XPO7: variants seen among roughly 807,000 people sequenced by gnomAD.
XPO7 encodes exportin-7.
Under a neutral mutation model 144.3 loss-of-function variants are expected in XPO7, and 21 were observed. That is an observed-to-expected ratio of 0.15 (90% CI 0.10 to 0.21). The LOEUF (loss-of-function observed/expected upper bound fraction) is 0.21, where lower values mean the gene tolerates loss of function less well. Among genes scored for constraint, XPO7 ranks in the 10% least tolerant of loss-of-function variants. The pLI is 1.00. For missense variants in XPO7, 808 were observed against 1,325.8 expected (o/e 0.61, Z 6.06); for synonymous variants, 580 against 499.6 (o/e 1.16, Z -2.15).
chr8:21,977,698 T>C (rs905587012), intron 7 of XPO7, 72 bp from the exon 8 acceptor site: 4 of 1,394,160 alleles, frequency 2.9e-6, no homozygotes, highest in South Asian at 1.2e-5. Flanking sequence ...CCCTGATGTA[T>C]AGTGCTGGAA....
chr8:21,966,118 C>T, intron 1 of XPO7: 1 of 614,912 alleles, frequency 1.6e-6, no homozygotes, highest in Non-Finnish European at 2.9e-6. Flanking sequence ...CCCTTCCTGC[C>T]TCCCTGGAAC....
intron 1 of XPO7, among the ~76,000 whole-genome samples, chr8:21,947,159 A>G (rs1415302953): frequency 6.6e-6 from 1 of 152,192 alleles, no homozygotes; most frequent in African/African-American, 2.4e-5. Context: ...AGTATTATCT[A>G]ATGTTTAGGG....
At chr8:21,939,939 C>A (rs925093380) in intron 1 of XPO7, among the ~76,000 whole-genome samples, 2 of 152,128 alleles carry the variant, frequency 1.3e-5, no homozygotes, top group African/African-American at 4.8e-5. Context: ...ATTTTGTAAT[C>A]TCCCTGAATT....
intron 13 of XPO7, among the ~76,000 whole-genome samples, chr8:21,986,117 A>G (rs1272345293): frequency 6.7e-6 from 1 of 150,104 alleles, no homozygotes; most frequent in Non-Finnish European, 1.5e-5. Flanking sequence ...CATCTGTGCA[A>G]TTCTCATTTT....
chr8:21,928,667 C>T (rs1810541036), intron 1 of XPO7, among the ~76,000 whole-genome samples: 1 of 152,186 alleles, frequency 6.6e-6, no homozygotes, highest in Non-Finnish European at 1.5e-5. Context: ...ATTTGTATAT[C>T]TCAGGCTTGC....
chr8:21,976,258 T>C lies in XPO7; in HGVS notation c.598-98T>C, dbSNP rs922796279. On this transcript the variant is annotated intron_variant, in intron 6 of 27. Coordinates refer to ENST00000252512, the MANE Select transcript of XPO7 (RefSeq NM_015024.5). ...GGGGACATTTTACTGTGCTAACATA[T>C]AGCCCTCCTTTTCTGACTTAACAGC... The C allele has an allele frequency of 1.2e-5, 16 of 1,348,512 alleles. No individual in the cohort carries two copies. The Middle Eastern group carries it at 1.7e-3, about 142-fold the overall frequency. The allele number at this position is 1,348,512 out of a possible 1,614,324, so 83.5% of individuals were successfully genotyped here.
Position 21,935,047 on chromosome 8 carries a change from G to T in XPO7, c.18+15259G>T, listed in dbSNP as rs188970436. On this transcript the variant is annotated intron_variant, in intron 1 of 27. Transcript: ENST00000252512. ...ATAAGAAATGATAAACTAAAGTAAG[G>T]ACATTTGCATTGTATGTAGGCATTA... Among the ~76,000 whole-genome samples, 972 of 152,292 alleles carry T rather than the reference G, an allele frequency of 6.4e-3. 3 individuals are homozygous for T. Among genetic ancestry groups the T allele is most frequent in the Middle Eastern group, 0.017 (5 of 294 alleles).
At chr8:21,990,097 C>T (rs1240473027) in intron 16 of XPO7, among the ~76,000 whole-genome samples, 4 of 151,992 alleles carry the variant, frequency 2.6e-5, no homozygotes, top group African/African-American at 9.6e-5. Context: ...GATCTGCCCT[C>T]CTCGGCCTCT....
At chr8:21,965,716 T>C (rs1224923178) in intron 1 of XPO7, among the ~76,000 whole-genome samples, 3 of 152,230 alleles carry the variant, frequency 2.0e-5, no homozygotes, top group Admixed American at 1.3e-4. Flanking sequence ...CCAAAGGCTT[T>C]CCTACTTAGT....
chr8:21,984,825 T>C lies in XPO7; in HGVS notation c.1457T>C (p.Ile486Thr), dbSNP rs1207519899. 7 of 1,613,726 alleles carry C rather than the reference T, an allele frequency of 4.3e-6. No individual in the cohort carries two copies. The highest frequency in any genetic ancestry group is 2.2e-5 in the East Asian group (1 of 44,894). The change falls in exon 12 of 28, where the codon ATT (isoleucine) becomes ACT (threonine). Residue 486 changes from isoleucine (I) to threonine (T), a missense_variant. Transcript: ENST00000252512. ...AGCGCCAGCGCAAGCCCAATGGACATTGCAGTGCAGGAGGGTGAGTGTGCA... is the reference window on the plus strand; with the variant it reads ...AGCGCCAGCGCAAGCCCAATGGACACTGCAGTGCAGGAGGGTGAGTGTGCA... ...LQSASASPMD[I>T]AVQEGRLTWL...
chr8:21,920,337 C>T (rs376814133), intron 1 of XPO7, among the ~76,000 whole-genome samples: 1 of 152,168 alleles, frequency 6.6e-6, no homozygotes, highest in East Asian at 1.9e-4. Flanking sequence ...ACGGATGCGC[C>T]CTTCCCTCCG....
At chr8:21,940,944 G>C (rs1248183227) in intron 1 of XPO7, among the ~76,000 whole-genome samples, 1 of 152,112 alleles carries the variant, frequency 6.6e-6, no homozygotes, top group Non-Finnish European at 1.5e-5. Flanking sequence ...TATGTAATCA[G>C]CACAACCTAA....
chr8:21,998,919 C>A, intron 22 of XPO7, 82 bp downstream of exon 22: 2 of 1,528,256 alleles, frequency 1.3e-6, no homozygotes, highest in Non-Finnish European at 9.0e-7. Context: ...GGTCTCTGGC[C>A]AGTCCTGGCA....
At chr8:21,977,055 T>A (rs1180468938) in intron 7 of XPO7, among the ~76,000 whole-genome samples, 2 of 152,244 alleles carry the variant, frequency 1.3e-5, no homozygotes, top group Middle Eastern at 3.2e-3. Context: ...TAATAATAGA[T>A]ATGTATTTCA....
At chr8:21,989,164 C>A in intron 16 of XPO7, 81 bp downstream of exon 16, 1 of 1,330,758 alleles carries the variant, frequency 7.5e-7, no homozygotes, top group East Asian at 2.4e-5. Flanking sequence ...CTGCTCTTTC[C>A]ACTTCAGTTT....
chr8:21,998,529 G>A (rs1382172527), intron 21 of XPO7, among the ~76,000 whole-genome samples: 1 of 151,810 alleles, frequency 6.6e-6, no homozygotes, highest in Non-Finnish European at 1.5e-5. Flanking sequence ...TCTTATAAAT[G>A]TTTTTAATTT....
At chr8:21,944,641 G>C (rs995141703) in intron 1 of XPO7, among the ~76,000 whole-genome samples, 1 of 152,044 alleles carries the variant, frequency 6.6e-6, no homozygotes, top group African/African-American at 2.4e-5. Flanking sequence ...GATCATTCTT[G>C]GATGTTTCTC....
chr8:21,973,749 AT>A (rs1448204010), intron 5 of XPO7, among the ~76,000 whole-genome samples: 10 of 152,216 alleles, frequency 6.6e-5, no homozygotes, highest in Admixed American at 2.6e-4. Context: ...CTTTGAAGTT[AT>A]TTTATTCCAC....
chr8:21,932,225 A>G (rs572569539), intron 1 of XPO7, among the ~76,000 whole-genome samples: 131 of 152,332 alleles, frequency 8.6e-4, no homozygotes, highest in African/African-American at 3.1e-3. Flanking sequence ...GACTTGATTA[A>G]TAAAAAGCAT....
Sources: gnomAD v4.1 joint callset for allele counts (sites outside exome capture counted in the v4.1 genomes callset) on GRCh38, gnomAD v4.1.1 for gene constraint, MANE v1.5 for transcripts, NCBI Gene and HGNC (gene_info 2026-07-23, HGNC 2026-07-21) for gene names.